KIAA1328: variants seen among roughly 807,000 people sequenced by gnomAD.
KIAA1328 encodes the protein KIAA1328.
KIAA1328 carries 52 observed loss-of-function variants against 68.1 expected under a neutral mutation model. The ratio of observed to expected loss-of-function variants is 0.76; its 90% CI spans 0.61 to 0.96. KIAA1328 has a LOEUF of 0.96. Among genes scored for constraint, KIAA1328 ranks in the 40% least tolerant of loss-of-function variants. KIAA1328 has a pLI of 0.00. For missense variants in KIAA1328, 641 were observed against 677.6 expected, an observed-to-expected ratio of 0.95 and a Z score of 0.60; for synonymous variants, 232 against 239.4, an observed-to-expected ratio of 0.97 and a Z score of 0.28.
At chr18:37,180,019 A>G (rs2059668136) in intron 9 of KIAA1328, among the ~76,000 whole-genome samples, 1 of 150,526 alleles carries the variant, frequency 6.6e-6, no homozygotes, top group Non-Finnish European at 1.5e-5. Context: ...TATCTCAGCT[A>G]CAGAATTCTG....
intron 9 of KIAA1328, among the ~76,000 whole-genome samples, chr18:37,185,402 C>CCAA (rs1423928817): frequency 6.6e-6 from 1 of 151,960 alleles, no homozygotes; most frequent in Non-Finnish European, 1.5e-5. Context: ...AGGGAGGACA[C>CCAA]CAACCAAAAG....
At position 37,067,349 on chromosome 18, in the gene KIAA1328, G is replaced by A. The variant is rs1420004192; in HGVS notation, c.1036G>A (p.Val346Met). ...TTGTCGGCTTTCTTGGGCATCTCTG[G>A]TGCATGGTGGTGGGGCACTGCAACC... ...SYCRLSWASL[V>M]HGGGALQPIE... Residue 346 changes from valine to methionine, a missense_variant, in exon 7 of 10, where the codon GTG (valine) becomes ATG (methionine). Physicochemically the swap from Val to Met is conservative, Grantham distance 21. Transcript: ENST00000280020. 1.2e-6 allele frequency: 2 copies of A among 1,613,734 alleles called. No homozygotes were observed. Among genetic ancestry groups the A allele is most frequent in the East Asian group, 2.2e-5 (1 of 44,864 alleles).
At chr18:36,852,140 G>T (rs2150845823) in intron 4 of KIAA1328, among the ~76,000 whole-genome samples, 1 of 152,142 alleles carries the variant, frequency 6.6e-6, no homozygotes, top group African/African-American at 2.4e-5. Flanking sequence ...TGGTGGAAAA[G>T]GTACTTTGTA....
chr18:37,226,774 A>ATTTT (rs56834709), downstream of KIAA1328, among the ~76,000 whole-genome samples: 458 of 134,404 alleles, frequency 3.4e-3, 9 homozygotes, highest in African/African-American at 0.011. Flanking sequence ...CATGCAAAAC[A>ATTTT]TTTTTTTTTT....
chr18:37,044,453 A>G (rs1309391703), intron 6 of KIAA1328, among the ~76,000 whole-genome samples: 1 of 152,140 alleles, frequency 6.6e-6, no homozygotes, highest in Non-Finnish European at 1.5e-5. Context: ...ATGCAAAACC[A>G]CATAGTAAAA....
chr18:37,160,289 G>C lies in KIAA1328; in HGVS notation c.1322G>C (p.Arg441Thr), dbSNP rs747371189. 1.3e-5 allele frequency: 21 copies of C among 1,613,572 alleles called. No homozygotes were observed. Among genetic ancestry groups the C allele is most frequent in the Admixed American group, 1.7e-5 (1 of 59,964 alleles). ...GACCCCCCAAACAGTGGAGAGAATAGGAAGGAGAGGAAGACAGTTGGGTTT... is the reference window on the plus strand; with the variant it reads ...GACCCCCCAAACAGTGGAGAGAATACGAAGGAGAGGAAGACAGTTGGGTTT... ...HQDPPNSGEN[R>T]KERKTVGFHS... Residue 441 changes from arginine to threonine, a missense_variant, in exon 8 of 10, where the codon AGG (arginine) becomes ACG (threonine). Physicochemically the swap from Arg to Thr is moderately conservative, Grantham distance 71. Coordinates refer to ENST00000280020, the MANE Select transcript of KIAA1328 (RefSeq NM_020776.3).
intron 9 of KIAA1328, among the ~76,000 whole-genome samples, chr18:37,218,497 A>G (rs2060491652): frequency 6.6e-6 from 1 of 152,194 alleles, no homozygotes; most frequent in African/African-American, 2.4e-5. Context: ...TTAAGGAGAC[A>G]AAAAAAGGAA....
In KIAA1328 at chr18:36,829,166, C is replaced by T. The variant is rs760212898; in HGVS notation, c.28C>T (p.Pro10Ser). ...GGCGGACGTGGCGGGCCCCTCCCGC[C>T]CCAGTGCCGCGGCGTTCTGGAGCCG... is the stretch of plus-strand genomic sequence containing the variant. MADVAGPSRPSAAAFWSRDF... is the reference protein window; with the variant it reads MADVAGPSRSSAAAFWSRDF... The change falls in exon 1 of 10, where the codon CCC becomes TCC. Residue 10 changes from proline to serine, a missense_variant. Physicochemically the swap from Pro to Ser is moderately conservative, Grantham distance 74. Coordinates refer to ENST00000280020, the MANE Select transcript of KIAA1328 (RefSeq NM_020776.3). 91 of 1,533,748 alleles carry T rather than the reference C, an allele frequency of 5.9e-5. No individual in the cohort carries two copies. The highest frequency in any genetic ancestry group is 4.1e-4 in the South Asian group (34 of 82,566).
At chr18:37,168,440 G>A (rs1389035689) in intron 8 of KIAA1328, among the ~76,000 whole-genome samples, 1 of 152,176 alleles carries the variant, frequency 6.6e-6, no homozygotes, top group African/African-American at 2.4e-5. Context: ...CTTCATAATA[G>A]CTCCAAACCA....
rs184947469 is a variant in KIAA1328, at chr18:37,115,635, G to A, written c.1233-44565G>A. ...AGGGATGCCCTCTCTCACCACTCCTGTTCAACATAGTGTTGGAAGTTCTGG... is the reference window on the plus strand; with the variant it reads ...AGGGATGCCCTCTCTCACCACTCCTATTCAACATAGTGTTGGAAGTTCTGG... On this transcript the variant is annotated intron_variant, in intron 7 of 9. Transcript: ENST00000280020. 2.5e-3 allele frequency among the ~76,000 whole-genome samples: 386 copies of A among 152,226 alleles called. 1 individual carries two copies. The highest frequency in any genetic ancestry group is 4.2e-3 in the Non-Finnish European group (286 of 68,006).
intron 8 of KIAA1328, among the ~76,000 whole-genome samples, chr18:37,168,681 G>A (rs979266838): frequency 1.3e-5 from 2 of 152,026 alleles, no homozygotes; most frequent in Admixed American, 6.6e-5. Context: ...ATAAATGGTA[G>A]AACTATAAAG....
In KIAA1328 at chr18:36,851,513, C is replaced by T. The variant is rs186421669; in HGVS notation, c.332+7211C>T. ...TAGGTCCATTCAGATCTTCTGTTTG[C>T]TCTTGAGTCAGTTTTGGTAATTTTT... On this transcript the variant is annotated intron_variant, in intron 4 of 9. Transcript: ENST00000280020. Among the ~76,000 whole-genome samples the T allele has an allele frequency of 1.6e-4, 23 of 147,680 alleles. 1 individual carries two copies. The East Asian group carries it at 4.3e-3, about 28-fold the overall frequency.
At chr18:37,229,558 C>T, downstream of KIAA1328, 5 of 1,274,368 alleles carry the variant, frequency 3.9e-6, no homozygotes, top group South Asian at 5.2e-5. Flanking sequence ...CCTTCTCTTT[C>T]CTATTTCTAG....
rs560105525 is a variant in KIAA1328, at chr18:37,206,768, A to T, written c.1524-15249A>T. 4.1e-4 allele frequency among the ~76,000 whole-genome samples: 63 copies of T among 152,340 alleles called. 1 individual carries two copies. Among genetic ancestry groups the T allele is most frequent in the Admixed American group, 1.2e-3 (18 of 15,302 alleles). On this transcript the variant is annotated intron_variant, in intron 9 of 9. Transcript: ENST00000280020. ...TCACCCAATAAAGCTGGTGTCTTTTAACTAAGATAACCAAGTCCTCATTTA... is the reference window on the plus strand; with the variant it reads ...TCACCCAATAAAGCTGGTGTCTTTTTACTAAGATAACCAAGTCCTCATTTA...
intron 9 of KIAA1328, chr18:37,193,695 G>T (rs562306155): frequency 2.9e-6 from 2 of 696,482 alleles, no homozygotes; most frequent in East Asian, 5.4e-5. Flanking sequence ...ACCTATTAAG[G>T]TATTTCATGT....
At chr18:36,997,236 A>T (rs947079326) in intron 6 of KIAA1328, among the ~76,000 whole-genome samples, 2 of 152,198 alleles carry the variant, frequency 1.3e-5, no homozygotes, top group African/African-American at 4.8e-5. Flanking sequence ...AACTATGAAT[A>T]GTTACTTTTT....
chr18:37,047,301 T>C (rs2055513524), intron 6 of KIAA1328, among the ~76,000 whole-genome samples: 1 of 152,190 alleles, frequency 6.6e-6, no homozygotes, highest in African/African-American at 2.4e-5. Context: ...TTTGATTCCT[T>C]TGGGTACTGA....
chr18:37,162,932 A>G (rs962049860), intron 8 of KIAA1328, among the ~76,000 whole-genome samples: 1 of 151,954 alleles, frequency 6.6e-6, no homozygotes, highest in African/African-American at 2.4e-5. Context: ...CAACCTTACG[A>G]TAGCAAAGAT....
intron 7 of KIAA1328, among the ~76,000 whole-genome samples, chr18:37,117,194 G>T (rs913335352): frequency 1.3e-5 from 2 of 152,182 alleles, no homozygotes; most frequent in African/African-American, 2.4e-5. Flanking sequence ...ACATGCACAC[G>T]TATGTTTACT....
Sources: gnomAD v4.1 joint callset for allele counts (sites outside exome capture counted in the v4.1 genomes callset) on GRCh38, gnomAD v4.1.1 for gene constraint, MANE v1.5 for transcripts, NCBI Gene and HGNC (gene_info 2026-07-23, HGNC 2026-07-21) for gene names.